CSMD1: variants seen among roughly 807,000 people sequenced by gnomAD.
The protein encoded by CSMD1 is CUB and sushi domain-containing protein 1.
A neutral mutation model predicts 417.5 loss-of-function variants in CSMD1; 213 were observed. The ratio of observed to expected loss-of-function variants is 0.51; its 90% CI spans 0.46 to 0.57. CSMD1 has a LOEUF of 0.57. CSMD1 is among the 20% of genes least tolerant of loss of function. The probability of loss-of-function intolerance (pLI) is 0.00; values close to 1 mark genes in which losing one functional copy is unlikely to be tolerated. For missense variants in CSMD1, 6,923 were observed against 4,529.7 expected (o/e 1.53, Z -15.17); for synonymous variants, 2,862 against 1,736.8 (o/e 1.65, Z -16.11).
chr8:3,299,503 C>T (rs927293308), intron 25 of CSMD1, among the ~76,000 whole-genome samples: 1 of 152,130 alleles, frequency 6.6e-6, no homozygotes, highest in African/African-American at 2.4e-5. Flanking sequence ...TCTGTGATAT[C>T]AGATACAGGC....
chr8:3,017,360 C>G (rs567980565), intron 52 of CSMD1, among the ~76,000 whole-genome samples: 1 of 152,280 alleles, frequency 6.6e-6, no homozygotes, highest in South Asian at 2.1e-4. Flanking sequence ...ACTTGTGACT[C>G]TCTACATGAA....
rs367650533 is a variant in CSMD1 at position 3,556,392 on chromosome 8, A to AATATATATATATATAT, written c.1344+18537_1344+18552dup. Among the ~76,000 whole-genome samples the AATATATATATATATAT allele has an allele frequency of 9.3e-3, 1,114 of 120,330 alleles. 17 individuals carry two copies. Among genetic ancestry groups the AATATATATATATATAT allele is most frequent in the Non-Finnish European group, 0.011 (640 of 59,342 alleles). The allele number at this position is 120,330 out of a possible 152,430, so 78.9% of individuals were successfully genotyped here. On this transcript the variant is annotated intron_variant, in intron 10 of 69. Transcript: ENST00000635120. The stretch of plus-strand genomic sequence containing the variant: ...AAGATTTTTAAAATTTATAATAATT[A>AATATATATATATATAT]ATATATATATATATATATATATTCA...
chr8:3,398,706 T>C (rs9969438), intron 16 of CSMD1, among the ~76,000 whole-genome samples: 79,656 of 151,758 alleles, frequency 0.52, 21,152 homozygotes, highest in Middle Eastern at 0.61. Context: ...TTCATGTTGC[T>C]CATGACAAAA....
intron 3 of CSMD1, among the ~76,000 whole-genome samples, chr8:4,361,224 TA>T (rs1801740230): frequency 1.3e-5 from 2 of 152,132 alleles, no homozygotes; most frequent in Admixed American, 6.5e-5. Flanking sequence ...GTGGAATACC[TA>T]AGTTACTCAA....
intron 1 of CSMD1, among the ~76,000 whole-genome samples, chr8:4,977,910 G>A (rs550366507): frequency 1.3e-5 from 2 of 152,260 alleles, no homozygotes; most frequent in South Asian, 2.1e-4. Flanking sequence ...TCACACATTC[G>A]AAGGTGTCCA....
At chr8:3,296,733 G>A (rs1219324036) in intron 25 of CSMD1, among the ~76,000 whole-genome samples, 1 of 152,184 alleles carries the variant, frequency 6.6e-6, no homozygotes, top group Non-Finnish European at 1.5e-5. Context: ...AGGTGAGGAT[G>A]TGCTGGCCCT....
At chr8:4,313,498 T>G in intron 3 of CSMD1, among the ~76,000 whole-genome samples, 1 of 98,778 alleles carries the variant, frequency 1.0e-5, no homozygotes, top group African/African-American at 4.0e-5. Context: ...AGGTCTTACA[T>G]GTCAAAATGA....
At chr8:3,856,949 G>C (rs1014080569) in intron 5 of CSMD1, among the ~76,000 whole-genome samples, 1 of 152,004 alleles carries the variant, frequency 6.6e-6, no homozygotes, top group Non-Finnish European at 1.5e-5. Flanking sequence ...ATCCTGACAG[G>C]TACAAAGAAT....
At chr8:4,628,735 G>A (rs1317107817) in intron 2 of CSMD1, among the ~76,000 whole-genome samples, 3 of 152,082 alleles carry the variant, frequency 2.0e-5, no homozygotes, top group Admixed American at 6.6e-5. Flanking sequence ...CCATCTAAGA[G>A]CCCTCAGGTG....
At chr8:3,987,264 C>A (rs546262223) in intron 5 of CSMD1, among the ~76,000 whole-genome samples, 23 of 152,342 alleles carry the variant, frequency 1.5e-4, no homozygotes, top group Non-Finnish European at 3.1e-4. Flanking sequence ...AGGCTACACA[C>A]AGCCCAGTGT....
intron 7 of CSMD1, among the ~76,000 whole-genome samples, chr8:3,666,107 G>C (rs979152627): frequency 5.3e-5 from 8 of 152,158 alleles, no homozygotes; most frequent in African/African-American, 1.7e-4. Context: ...TGTTGGCCAG[G>C]CTGGTCTTGA....
chr8:3,702,586 T>A (rs1171174214), intron 7 of CSMD1, among the ~76,000 whole-genome samples: 1 of 152,170 alleles, frequency 6.6e-6, no homozygotes, highest in Non-Finnish European at 1.5e-5. Flanking sequence ...ATCCCAGCAC[T>A]TTGGGAGGCC....
intron 3 of CSMD1, among the ~76,000 whole-genome samples, chr8:4,205,102 A>C (rs1343885210): frequency 6.6e-6 from 1 of 152,250 alleles, no homozygotes; most frequent in Non-Finnish European, 1.5e-5. Context: ...TTTAAAAAGA[A>C]ACATGATTTA....
chr8:3,411,918 G>A (rs796851798), intron 12 of CSMD1, among the ~76,000 whole-genome samples: 14 of 40,616 alleles, frequency 3.4e-4, no homozygotes, highest in Admixed American at 8.3e-4. Flanking sequence ...ACGTATATAT[G>A]CACGTATATA....
At chr8:4,284,932 T>C (rs927676595) in intron 3 of CSMD1, among the ~76,000 whole-genome samples, 3 of 152,194 alleles carry the variant, frequency 2.0e-5, no homozygotes, top group Non-Finnish European at 4.4e-5. Flanking sequence ...CACCAGTTAA[T>C]TACCTGTAAG....
chr8:3,844,735 C>G (rs1458496695), intron 5 of CSMD1, among the ~76,000 whole-genome samples: 1 of 152,168 alleles, frequency 6.6e-6, no homozygotes, highest in African/African-American at 2.4e-5. Flanking sequence ...ACAGATCTTC[C>G]TTGACAATGA....
chr8:4,859,794 A>G (rs529811194), intron 1 of CSMD1, among the ~76,000 whole-genome samples: 15 of 151,982 alleles, frequency 9.9e-5, no homozygotes, highest in Non-Finnish European at 1.9e-4. Context: ...AAATAGGAAC[A>G]CTTTGACACT....
chr8:3,572,413 G>A (rs549792980), intron 10 of CSMD1, among the ~76,000 whole-genome samples: 7 of 152,270 alleles, frequency 4.6e-5, no homozygotes, highest in African/African-American at 9.6e-5. Flanking sequence ...ACAGGCAGCA[G>A]ACGCAGGGAG....
chr8:4,653,595 A>C (rs751216917), intron 1 of CSMD1, among the ~76,000 whole-genome samples: 7 of 152,106 alleles, frequency 4.6e-5, no homozygotes, highest in Non-Finnish European at 1.0e-4. Flanking sequence ...CATGCATTAA[A>C]ATAGTCCCAG....
Sources: allele counts gnomAD v4.1 joint callset (sites outside exome capture counted in the v4.1 genomes callset), GRCh38; gene constraint gnomAD v4.1.1; transcripts MANE v1.5; gene names NCBI Gene and HGNC (gene_info 2026-07-23, HGNC 2026-07-21).